KBTBD11: variants seen among roughly 807,000 people sequenced by gnomAD.
KBTBD11 encodes the protein kelch repeat and BTB domain-containing protein 11.
For synonymous variants in KBTBD11, 747 were observed against 499.0 expected (o/e 1.50, Z -6.63); for missense variants, 1,390 against 1,001.8 (o/e 1.39, Z -5.23).
At chr8:1,974,651 T>G in intron 1 of KBTBD11, 5 of 985,274 alleles carry the variant, frequency 5.1e-6, no homozygotes, top group Non-Finnish European at 6.0e-6. Flanking sequence ...GGGCGCCCCT[T>G]GCAGCCCCCG....
chr8:1,991,539 A>C (rs758318136), intron 1 of KBTBD11, among the ~76,000 whole-genome samples: 5 of 151,956 alleles, frequency 3.3e-5, no homozygotes, highest in Admixed American at 2.6e-4. Context: ...CCTCGATTCC[A>C]GCTCTGTGAT....
At position 2,002,607 on chromosome 8, in the gene KBTBD11, A is replaced by G. The variant is rs769224416; in HGVS notation, c.1415A>G (p.Lys472Arg). ...SGGSLFYRLL[K>R]YDPRRDEWQE... ...GGCTCCCTCTTCTATCGCCTGCTCA[A>G]GTATGACCCGCGGCGCGACGAGTGG... Residue 472 changes from lysine to arginine, a missense_variant, in exon 2 of 2, where the codon AAG (lysine) becomes AGG (arginine). Physicochemically the swap from Lys to Arg is conservative, Grantham distance 26. Coordinates refer to ENST00000320248, the MANE Select transcript of KBTBD11 (RefSeq NM_014867.3). This position sits in a 1 kb window ranked among gnomAD's most constrained non-coding sequence, Gnocchi z 4.1. 4.4e-6 allele frequency: 7 copies of G among 1,585,248 alleles called. No homozygotes were observed. Among genetic ancestry groups the G allele is most frequent in the Non-Finnish European group, 6.0e-6 (7 of 1,174,396 alleles).
chr8:1,979,351 C>T (rs539791882), intron 1 of KBTBD11, among the ~76,000 whole-genome samples: 21 of 152,316 alleles, frequency 1.4e-4, no homozygotes, highest in African/African-American at 4.8e-4. Flanking sequence ...ACCCTTAGGC[C>T]AGGTGCAGTG....
intron 1 of KBTBD11, among the ~76,000 whole-genome samples, chr8:1,983,902 G>A (rs1816622444): frequency 6.6e-6 from 1 of 152,202 alleles, no homozygotes; most frequent in South Asian, 2.1e-4. Context: ...GGCCAAGGTG[G>A]GTGGATCACC....
rs1341006783 is a variant in KBTBD11, at chr8:1,975,565, T to A, written c.-909+1630T>A. On this transcript the variant is annotated intron_variant, in intron 1 of 1. Transcript: ENST00000320248. ...TGTGTAGCAGGCTGCACCGCCTAGG[T>A]GTGTAGGTGCCCTGTGTGATGTTTG... 2.0e-5 allele frequency among the ~76,000 whole-genome samples: 3 copies of A among 152,188 alleles called. No homozygotes were observed. The East Asian group carries it at 5.8e-4, about 29-fold the overall frequency.
intron 1 of KBTBD11, among the ~76,000 whole-genome samples, chr8:1,988,400 C>G (rs1448396463): frequency 2.0e-5 from 3 of 152,152 alleles, no homozygotes; most frequent in Non-Finnish European, 4.4e-5. Context: ...CCTGTTGTTT[C>G]CTGACTTTTT....
In KBTBD11 at chr8:2,005,133, T is replaced by C. The variant is rs936994201; in HGVS notation, c.*2069T>C. The C allele has an allele frequency of 6.0e-6, 1 of 167,124 alleles. No homozygotes were observed. Among genetic ancestry groups the C allele is most frequent in the African/African-American group, 2.4e-5 (1 of 41,456 alleles). 10.4% of individuals were successfully genotyped at this position (167,124 alleles called of 1,614,324 possible). On this transcript the variant is annotated 3_prime_UTR_variant, in exon 2 of 2. Transcript: ENST00000320248. ...GGATGGGGGTGGTTGCACAGTCCTG[T>C]GCGGTTCCCATGGCTTTCCAGCGTT... is the stretch of plus-strand genomic sequence containing the variant.
chr8:2,002,960 G>C lies in KBTBD11; in HGVS notation c.1768G>C (p.Gly590Arg). ...EAGGDAGQGG[G>R]FEALGAPLDV... ...CGGCGGCGACGCAGGCCAGGGCGGC[G>C]GCTTCGAGGCGCTGGGCGCCCCCTT... The change falls in exon 2 of 2, where the codon GGC (glycine) becomes CGC (arginine). Residue 590 changes from glycine to arginine, a missense_variant. By Grantham distance (125) the Gly-to-Arg change is moderately radical (BLOSUM62 -2). Coordinates refer to ENST00000320248, the MANE Select transcript of KBTBD11 (RefSeq NM_014867.3). This position sits in a 1 kb window ranked among gnomAD's most constrained non-coding sequence, Gnocchi z 4.1. 7.6e-7 allele frequency: 1 copy of C among 1,315,478 alleles called. No individual in the cohort carries two copies. Among genetic ancestry groups the C allele is most frequent in the East Asian group, 3.1e-5 (1 of 31,966 alleles). The allele number at this position is 1,315,478 out of a possible 1,614,324, so 81.5% of individuals were successfully genotyped here.
At chr8:1,988,734 C>T (rs1388378223) in intron 1 of KBTBD11, among the ~76,000 whole-genome samples, 1 of 152,166 alleles carries the variant, frequency 6.6e-6, no homozygotes, top group Non-Finnish European at 1.5e-5. Context: ...GGCTTGAGCC[C>T]CATGGGGCTG....
At chr8:1,978,817 G>A (rs572727334) in intron 1 of KBTBD11, among the ~76,000 whole-genome samples, 108 of 140,640 alleles carry the variant, frequency 7.7e-4, no homozygotes, top group Non-Finnish European at 1.5e-3. Context: ...AGGCTACGGC[G>A]ATCCCCAAGT....
chr8:2,005,752 T>C lies in KBTBD11; in HGVS notation c.*2688T>C, dbSNP rs1817554665. 1.8e-5 allele frequency: 3 copies of C among 167,236 alleles called. No homozygotes were observed. The highest frequency in any genetic ancestry group is 7.2e-5 in the African/African-American group (3 of 41,584). 10.4% of individuals were successfully genotyped at this position (167,236 alleles called of 1,614,324 possible). On this transcript the variant is annotated 3_prime_UTR_variant, in exon 2 of 2. Transcript: ENST00000320248. ...TGAAATTAACCCGTATGCCGGGGCA[T>C]TTCCAAATGTCTGACTCGTGAAATT...
chr8:1,993,536 C>CCAT (rs1817012316), intron 1 of KBTBD11, among the ~76,000 whole-genome samples: 3 of 52,660 alleles, frequency 5.7e-5, no homozygotes, highest in Non-Finnish European at 1.2e-4. Flanking sequence ...CATCCACCCA[C>CCAT]CCACCCACCC....
chr8:1,984,950 G>T (rs1479605376), intron 1 of KBTBD11, among the ~76,000 whole-genome samples: 6 of 152,190 alleles, frequency 3.9e-5, no homozygotes, highest in African/African-American at 1.4e-4. Context: ...AGCCTGAGTC[G>T]CTGCGATTAC....
chr8:2,002,372 GCCGTGAGGCC>G lies in KBTBD11; in HGVS notation c.1183_1192del (p.Val395CysfsTer110), dbSNP rs1365561887. 6.8e-7 allele frequency: 1 copy of G among 1,475,756 alleles called. No homozygotes were observed. Among genetic ancestry groups the G allele is most frequent in the Non-Finnish European group, 8.9e-7 (1 of 1,119,248 alleles). 91.4% of individuals were successfully genotyped at this position (1,475,756 alleles called of 1,614,324 possible). A position where few individuals can be genotyped will look rare whatever the true frequency, so the allele number is the denominator to read the frequency against. On this transcript the variant is annotated frameshift_variant, in exon 2 of 2. Transcript: ENST00000320248. LOFTEE classifies it low-confidence loss of function (END_TRUNC). This position sits in a 1 kb window ranked among gnomAD's most constrained non-coding sequence, Gnocchi z 4.1. ...CAACCCGGCCACGGACAGCTGGAGC[GCCGTGAGGCC>G]CCTGCGCCAGGCGCGCTCGCAGCTG...
rs967810929 is a variant in KBTBD11 at position 2,003,798 on chromosome 8, G to A, written c.*734G>A. 6.0e-6 allele frequency: 1 copy of A among 166,950 alleles called. No individual in the cohort carries two copies. The highest frequency in any genetic ancestry group is 1.5e-5 in the Non-Finnish European group (1 of 68,104). 10.3% of individuals were successfully genotyped at this position (166,950 alleles called of 1,614,324 possible). A position where few individuals can be genotyped will look rare whatever the true frequency, so the allele number is the denominator to read the frequency against. ...AAAGGATGTTAACTGATGTAGCGAT[G>A]ATTTACCATTATTTAAATTTTAAGT... On this transcript the variant is annotated 3_prime_UTR_variant, in exon 2 of 2. Coordinates refer to ENST00000320248, the MANE Select transcript of KBTBD11 (RefSeq NM_014867.3).
chr8:1,989,567 C>G (rs146104998), intron 1 of KBTBD11, among the ~76,000 whole-genome samples: 4 of 152,314 alleles, frequency 2.6e-5, no homozygotes, highest in African/African-American at 9.6e-5. Flanking sequence ...GCATGGATCT[C>G]AGACGCTTGC....
intron 1 of KBTBD11, among the ~76,000 whole-genome samples, chr8:1,993,527 ATCCACCC>A (rs1817009809): frequency 3.3e-5 from 1 of 29,890 alleles, no homozygotes; most frequent in Non-Finnish European, 6.8e-5. Flanking sequence ...CCACCCATCC[ATCCACCC>A]ACCCACCCAC....
intron 1 of KBTBD11, among the ~76,000 whole-genome samples, chr8:1,989,310 A>G (rs1816822540): frequency 6.6e-6 from 1 of 152,230 alleles, no homozygotes; most frequent in Admixed American, 6.5e-5. Flanking sequence ...GAATGAGTAC[A>G]ATGATTTATT....
rs1563381376 is a variant in KBTBD11, at chr8:2,002,505, TGGCGCCGCTGCCCCGG to T, written c.1320_1335del (p.Leu441SerfsTer62). The T allele has an allele frequency of 6.6e-7, 1 of 1,513,724 alleles. No individual in the cohort carries two copies. 93.8% of individuals were successfully genotyped at this position (1,513,724 alleles called of 1,614,324 possible). A position where few individuals can be genotyped will look rare whatever the true frequency, so the allele number is the denominator to read the frequency against. On this transcript the variant is annotated frameshift_variant, in exon 2 of 2. Coordinates refer to ENST00000320248, the MANE Select transcript of KBTBD11 (RefSeq NM_014867.3). LOFTEE classifies it low-confidence loss of function (END_TRUNC). The surrounding 1 kb of genome is among the most constrained non-coding windows in gnomAD (Gnocchi z 4.1). Reference sequence around the variant, plus strand: ...CCGCGCGCCGACCGCTGGGCCCCCGTGGCGCCGCTGCCCCGGGGCGCCTTCGCCGTGGCGCATGAGG... The same window carrying T: ...CCGCGCGCCGACCGCTGGGCCCCCGTGGCGCCTTCGCCGTGGCGCATGAGG...
Sources: gnomAD v4.1 joint callset for allele counts (sites outside exome capture counted in the v4.1 genomes callset) on GRCh38, gnomAD v4.1.1 for gene constraint, Gnocchi (gnomAD v3.1) non-coding constraint, MANE v1.5 for transcripts, NCBI Gene and HGNC (gene_info 2026-07-23, HGNC 2026-07-21) for gene names.